Variants in TCF4 observed in about 807,000 individuals in gnomAD.
TCF4 encodes the protein transcription factor 4.
In TCF4, 3 loss-of-function variants were observed where a neutral mutation model predicts 82.1. The observed-to-expected ratio is 0.04, with a 90% confidence interval of 0.02 to 0.09. The LOEUF (loss-of-function observed/expected upper bound fraction) is 0.09. Ranked by LOEUF, TCF4 falls within the 10% of genes least tolerant of loss-of-function variation. The probability of loss-of-function intolerance (pLI) is 1.00; values close to 1 mark genes in which losing one functional copy is unlikely to be tolerated. For synonymous variants in TCF4, 276 were observed against 309.6 expected (o/e 0.89, Z 1.14); for missense variants, 518 against 852.7 (o/e 0.61, Z 4.89).
intron 3 of TCF4, among the ~76,000 whole-genome samples, chr18:55,562,911 T>C (rs542767514): frequency 9.2e-5 from 14 of 151,918 alleles, no homozygotes; most frequent in African/African-American, 3.1e-4. Flanking sequence ...CATACATACA[T>C]AGAAAGAAAA....
intron 3 of TCF4, among the ~76,000 whole-genome samples, chr18:55,485,227 A>G (rs1175348919): frequency 6.6e-6 from 1 of 152,202 alleles, no homozygotes; most frequent in Non-Finnish European, 1.5e-5. Context: ...AGATTTTGGA[A>G]TAGGTAACGT....
intron 15 of TCF4, among the ~76,000 whole-genome samples, chr18:55,251,489 T>C (rs1488174645): frequency 6.6e-6 from 1 of 152,184 alleles, no homozygotes; most frequent in African/African-American, 2.4e-5. Flanking sequence ...CCACCACAAC[T>C]TCAAGCTGCT....
At chr18:55,514,260 C>A (rs1444843281) in intron 3 of TCF4, among the ~76,000 whole-genome samples, 1 of 152,130 alleles carries the variant, frequency 6.6e-6, no homozygotes, top group Non-Finnish European at 1.5e-5. Flanking sequence ...GGTGACAATG[C>A]AATAACAGGA....
upstream of TCF4, chr18:55,589,594 G>A (rs771110343): frequency 2.3e-4 from 243 of 1,042,850 alleles, no homozygotes; most frequent in Non-Finnish European, 2.7e-4. Context: ...ACACAGGATA[G>A]TTATAATTTT....
chr18:55,271,074 C>T (rs960487018), intron 10 of TCF4, among the ~76,000 whole-genome samples: 1 of 151,984 alleles, frequency 6.6e-6, no homozygotes, highest in African/African-American at 2.4e-5. Context: ...AAAACCCAAG[C>T]ATTTGCTCAC....
chr18:55,234,801 T>C, intron 15 of TCF4, 118 bp from the exon 16 acceptor site: 1 of 1,489,754 alleles, frequency 6.7e-7, no homozygotes, highest in Non-Finnish European at 9.3e-7. Context: ...CCCAAACGCG[T>C]TTCACTAGAG....
At chr18:55,324,628 T>G (rs2076247014) in intron 8 of TCF4, among the ~76,000 whole-genome samples, 1 of 152,188 alleles carries the variant, frequency 6.6e-6, no homozygotes, top group Non-Finnish European at 1.5e-5. Flanking sequence ...AGTGTATAAC[T>G]GGACAAGTTA....
intron 8 of TCF4, chr18:55,331,955 C>T (rs2077651810): frequency 6.6e-6 from 1 of 152,182 alleles, no homozygotes; most frequent in Non-Finnish European, 1.5e-5. Context: ...TCTCTCAATA[C>T]AATAACTAAT....
intron 3 of TCF4, among the ~76,000 whole-genome samples, chr18:55,475,167 T>A (rs2096265181): frequency 6.6e-6 from 1 of 152,186 alleles, no homozygotes; most frequent in Admixed American, 6.5e-5. Flanking sequence ...AAGTCCAGGA[T>A]CATGCACTGC....
At chr18:55,289,905 G>A (rs1183609881) in intron 8 of TCF4, among the ~76,000 whole-genome samples, 2 of 152,060 alleles carry the variant, frequency 1.3e-5, no homozygotes, top group Non-Finnish European at 2.9e-5. Flanking sequence ...ATGTGCAGGT[G>A]TGCTTGGACA....
intron 8 of TCF4, among the ~76,000 whole-genome samples, chr18:55,311,454 G>A (rs1302517134): frequency 6.6e-6 from 1 of 152,178 alleles, no homozygotes; most frequent in African/African-American, 2.4e-5. Context: ...AGCGTTTCCA[G>A]ATATTGCCGT....
intron 10 of TCF4, among the ~76,000 whole-genome samples, chr18:55,274,274 G>A (rs2061010451): frequency 6.6e-6 from 1 of 152,084 alleles, no homozygotes; most frequent in Admixed American, 6.6e-5. Context: ...TTGAAAATAA[G>A]TCATCTGCTA....
In TCF4 at chr18:55,306,311, A is replaced by T. The variant is rs1004464675; in HGVS notation, c.550-26655T>A. Among the ~76,000 whole-genome samples the T allele has an allele frequency of 4.6e-5, 7 of 152,300 alleles. No homozygotes were observed. In the East Asian group the frequency reaches 1.4e-3, roughly 29 times the overall value. On this transcript the variant is annotated intron_variant, in intron 8 of 19. Coordinates refer to ENST00000354452, the MANE Select transcript of TCF4 (RefSeq NM_001083962.2). ...CTACAGAAGTAAAAAAAGAAACCAC[A>T]GCTATACAAGCCTGCTGACTTTCTT...
chr18:55,621,840 T>G (rs1311868059), intron 2 of TCF4, among the ~76,000 whole-genome samples: 1 of 58,444 alleles, frequency 1.7e-5, no homozygotes, highest in Non-Finnish European at 3.6e-5. Flanking sequence ...ATATACACTA[T>G]ATACAATGTA....
At chr18:55,351,060 C>T (rs1414732038) in intron 6 of TCF4, 57 bp from the exon 7 acceptor site, 64 of 1,604,560 alleles carry the variant, frequency 4.0e-5, no homozygotes, top group Middle Eastern at 1.7e-4. Flanking sequence ...CTTTCACCAC[C>T]TCCCAACTGA....
intron 3 of TCF4, among the ~76,000 whole-genome samples, chr18:55,570,453 C>T (rs1456549405): frequency 2.0e-5 from 3 of 151,956 alleles, no homozygotes; most frequent in Non-Finnish European, 4.4e-5. Context: ...ATCAAGAACA[C>T]CTAGAAATCA....
intron 3 of TCF4, chr18:55,496,425 GAAGA>G (rs950657836): frequency 2.8e-5 from 4 of 144,056 alleles, no homozygotes; most frequent in East Asian, 4.0e-4. Flanking sequence ...AAAAAAACCA[GAAGA>G]AAGAACAATC....
chr18:55,430,951 C>G (rs2147147582), intron 5 of TCF4, among the ~76,000 whole-genome samples: 1 of 151,960 alleles, frequency 6.6e-6, no homozygotes, highest in South Asian at 2.1e-4. Context: ...ATAATCACTG[C>G]CAGAGAAGAG....
intron 3 of TCF4, among the ~76,000 whole-genome samples, chr18:55,506,833 T>C (rs1251437565): frequency 6.6e-6 from 1 of 151,962 alleles, no homozygotes; most frequent in Non-Finnish European, 1.5e-5. Flanking sequence ...TATAATATAC[T>C]GCAACCTCAG....
Sources: allele counts gnomAD v4.1 joint callset (sites outside exome capture counted in the v4.1 genomes callset), GRCh38; gene constraint gnomAD v4.1.1; transcripts MANE v1.5; gene names NCBI Gene and HGNC (gene_info 2026-07-23, HGNC 2026-07-21).